VAC14: variants seen among roughly 807,000 people sequenced by gnomAD.
VAC14 encodes the protein protein VAC14 homolog.
A neutral mutation model predicts 85.3 loss-of-function variants in VAC14; 47 were observed. The ratio of observed to expected loss-of-function variants is 0.55; its 90% CI spans 0.44 to 0.70. The LOEUF is 0.70. VAC14 is among the 30% of genes least tolerant of loss of function. VAC14 has a pLI of 0.00. For synonymous variants in VAC14, 447 were observed against 430.5 expected, an observed-to-expected ratio of 1.04 and a Z score of -0.47; for missense variants, 861 against 1,004.3, an observed-to-expected ratio of 0.86 and a Z score of 1.93.
chr16:70,708,206 C>T (rs981707558), intron 14 of VAC14, among the ~76,000 whole-genome samples: 1 of 152,234 alleles, frequency 6.6e-6, no homozygotes, highest in African/African-American at 2.4e-5. Context: ...CCTGCCTCAC[C>T]TGCTGCTAGT....
In VAC14 at chr16:70,690,248, G is replaced by A. The variant is rs79512925; in HGVS notation, c.2187-2158C>T. 92 of 985,472 alleles carry A rather than the reference G, an allele frequency of 9.3e-5. No individual in the cohort carries two copies. The African/African-American group carries it at 1.6e-3, about 17-fold the overall frequency. 61.0% of individuals were successfully genotyped at this position (985,472 alleles called of 1,614,324 possible). ...TGGCCTGAGATCTTGGGAGCAGGGCGGGCTGTGTCACCGGGGGTGGGTGAC... is the reference window on the plus strand; with the variant it reads ...TGGCCTGAGATCTTGGGAGCAGGGCAGGCTGTGTCACCGGGGGTGGGTGAC... On this transcript the variant is annotated intron_variant, in intron 18 of 18. Transcript: ENST00000261776.
chr16:70,780,697 G>T (rs2033766879), intron 9 of VAC14, 93 bp downstream of exon 9: 1 of 1,449,764 alleles, frequency 6.9e-7, no homozygotes, highest in East Asian at 2.3e-5. Flanking sequence ...AAGTAGTCCT[G>T]GTTGCTTAAG....
chr16:70,733,330 C>T (rs1011257530), intron 13 of VAC14, among the ~76,000 whole-genome samples: 2 of 151,900 alleles, frequency 1.3e-5, no homozygotes, highest in Non-Finnish European at 2.9e-5. Flanking sequence ...AATAATATTC[C>T]ACTTTATATT....
Position 70,731,626 on chromosome 16 carries a change from A to G in VAC14, c.1530T>C (p.Gly510=). The G allele has an allele frequency of 6.2e-7, 1 of 1,613,924 alleles. No homozygotes were observed. Among genetic ancestry groups the G allele is most frequent in the Non-Finnish European group, 8.5e-7 (1 of 1,179,964 alleles). The change falls in exon 14 of 19, where the codon GGT becomes GGC. Residue 510 remains glycine (G), a splice_region_variant and synonymous_variant. Transcript: ENST00000261776. ...PGRAGLLNTS[G]TKGLECSPST... ...AAGGAGAACATTCTAAGCCTTTGGT[A>G]CCTGTAGAGAAAGGGATAGAGCCAG...
chr16:70,695,641 G>C lies in VAC14; in HGVS notation c.1956-18C>G, dbSNP rs1478814293. ...GGTCCCCACTGGGTGTGCAGTCAAG[G>C]AAAGTCTGTCTGCTGGGCCAGCACA... On this transcript the variant is annotated intron_variant, in intron 16 of 18. Transcript: ENST00000261776. 1 of 1,610,718 alleles carries C rather than the reference G, an allele frequency of 6.2e-7. No individual in the cohort carries two copies.
At chr16:70,725,054 A>G (rs1323788818) in intron 14 of VAC14, among the ~76,000 whole-genome samples, 1 of 152,256 alleles carries the variant, frequency 6.6e-6, no homozygotes, top group Non-Finnish European at 1.5e-5. Flanking sequence ...GGCCGCCTAG[A>G]AGCTCTAGCT....
intron 9 of VAC14, 54 bp from the exon 10 acceptor site, chr16:70,772,226 A>T (rs548263695): frequency 6.8e-7 from 1 of 1,473,060 alleles, no homozygotes; most frequent in East Asian, 2.3e-5. Flanking sequence ...TCTCTTGAAT[A>T]AACAAGACCC....
At chr16:70,763,683 T>G (rs1326495540) in intron 10 of VAC14, among the ~76,000 whole-genome samples, 1 of 152,106 alleles carries the variant, frequency 6.6e-6, no homozygotes, top group African/African-American at 2.4e-5. Flanking sequence ...GGGGAAGGGG[T>G]AAACACAGCC....
At position 70,780,884 on chromosome 16, in the gene VAC14, G is replaced by A. The variant is rs16970545; in HGVS notation, c.1002C>T (p.Pro334=). The A allele has an allele frequency of 8.4e-3, 13,577 of 1,614,074 alleles. 890 individuals carry two copies. The African/African-American group carries it at 0.15, about 17-fold the overall frequency. ...TCAGCTCATCCAGCTCGTCGTCCTCGGGGGTGACCAGCTTCATCAGGCTCT... is the reference window on the plus strand; with the variant it reads ...TCAGCTCATCCAGCTCGTCGTCCTCAGGGGTGACCAGCTTCATCAGGCTCT... ...CNQSLMKLVT[P]EDDELDELRP... is the part of the protein sequence containing the mutation. The change falls in exon 9 of 19, where the codon CCC becomes CCT. Residue 334 remains proline (P), a synonymous_variant. Transcript: ENST00000261776.
chr16:70,744,697 A>G, intron 12 of VAC14, 118 bp from the exon 13 acceptor site: 1 of 1,287,522 alleles, frequency 7.8e-7, no homozygotes, highest in Non-Finnish European at 1.0e-6. Context: ...TCTGCAGATG[A>G]CAGCAGGCTG....
intron 1 of VAC14, among the ~76,000 whole-genome samples, chr16:70,788,235 A>C (rs2034160408): frequency 6.6e-6 from 1 of 152,216 alleles, no homozygotes; most frequent in Non-Finnish European, 1.5e-5. Flanking sequence ...GACAGTGAGC[A>C]CTCCGGCAAA....
At chr16:70,761,135 G>A (rs1007132488) in intron 12 of VAC14, 1 of 454,670 alleles carries the variant, frequency 2.2e-6, no homozygotes, top group African/African-American at 2.0e-5. Context: ...ATACCTGCCT[G>A]TCCATTTCTC....
chr16:70,720,327 G>A lies in VAC14; in HGVS notation c.1661+11168C>T, dbSNP rs79825074. ...TGATTTGTGCACTTTCAAATAGTAC[G>A]TTCTTTAAATTTACAGTCACCAAAG... On this transcript the variant is annotated intron_variant, in intron 14 of 18. Transcript: ENST00000261776. 1.3e-4 allele frequency among the ~76,000 whole-genome samples: 20 copies of A among 152,312 alleles called. No individual in the cohort carries two copies. In the East Asian group the frequency reaches 2.5e-3, roughly 19 times the overall value.
At chr16:70,795,589 G>C (rs1360944927) in intron 1 of VAC14, among the ~76,000 whole-genome samples, 4 of 151,788 alleles carry the variant, frequency 2.6e-5, no homozygotes, top group Non-Finnish European at 5.9e-5. Context: ...GAAGAACCAG[G>C]TCAACCTTCA....
At chr16:70,706,160 G>A (rs2053916721) in intron 14 of VAC14, among the ~76,000 whole-genome samples, 1 of 152,232 alleles carries the variant, frequency 6.6e-6, no homozygotes, top group Non-Finnish European at 1.5e-5. Flanking sequence ...AGGGTGTCAT[G>A]GGGCATGGGG....
In VAC14 at chr16:70,783,023, C is replaced by T. The variant is rs1169979157; in HGVS notation, c.811+10G>A. 6.2e-7 allele frequency: 1 copy of T among 1,613,368 alleles called. No individual in the cohort carries two copies. The highest frequency in any genetic ancestry group is 8.5e-7 in the Non-Finnish European group (1 of 1,179,482). ...GCAGCCGTGGCTGTGGGCCCTCCCCCAATACTCACCTGTTGTCTGGCAGTG... is the reference window on the plus strand; with the variant it reads ...GCAGCCGTGGCTGTGGGCCCTCCCCTAATACTCACCTGTTGTCTGGCAGTG... On this transcript the variant is annotated intron_variant, in intron 7 of 18. Coordinates refer to ENST00000261776, the MANE Select transcript of VAC14 (RefSeq NM_018052.5).
chr16:70,771,535 T>A (rs1174244761), intron 10 of VAC14: 1 of 152,122 alleles, frequency 6.6e-6, no homozygotes, highest in African/African-American at 2.4e-5. Context: ...CTCCAATAGC[T>A]TAATTTTTTT....
At chr16:70,786,810 C>T (rs11862431) in intron 1 of VAC14, among the ~76,000 whole-genome samples, 7,305 of 152,210 alleles carry the variant, frequency 0.048, 495 homozygotes, top group African/African-American at 0.15. Flanking sequence ...GAGCCACATG[C>T]CAACAAATAA....
chr16:70,791,250 C>T (rs756048140), intron 1 of VAC14, among the ~76,000 whole-genome samples: 93 of 152,234 alleles, frequency 6.1e-4, no homozygotes, highest in South Asian at 4.1e-4. Context: ...AATCCAACCC[C>T]CTGCCTTTCC....
Sources: allele counts gnomAD v4.1 joint callset (sites outside exome capture counted in the v4.1 genomes callset), GRCh38; gene constraint gnomAD v4.1.1; transcripts MANE v1.5; gene names NCBI Gene and HGNC (gene_info 2026-07-23, HGNC 2026-07-21).